The following ADGRB3 variants were observed in gnomAD, a reference collection of about 807,000 sequenced individuals.
ADGRB3 encodes adhesion G protein-coupled receptor B3.
In ADGRB3, 37 loss-of-function variants were observed where a neutral mutation model predicts 193.4. The observed-to-expected ratio is 0.19, with a 90% confidence interval of 0.15 to 0.25. The LOEUF is 0.25. Among genes scored for constraint, ADGRB3 ranks in the 10% least tolerant of loss-of-function variants. The pLI, the probability that ADGRB3 is intolerant of heterozygous loss-of-function variation, is 1.00. For missense variants in ADGRB3, 1,637 were observed against 1,852.9 expected (o/e 0.88, Z 2.14); for synonymous variants, 690 against 644.2 (o/e 1.07, Z -1.08).
At chr6:69,102,706 G>T (rs1034862683) in intron 17 of ADGRB3, among the ~76,000 whole-genome samples, 1 of 152,146 alleles carries the variant, frequency 6.6e-6, no homozygotes, top group Non-Finnish European at 1.5e-5. Flanking sequence ...CTGATTTGTT[G>T]GTAGAAAAGA....
chr6:68,714,235 T>C (rs917240356), intron 3 of ADGRB3, among the ~76,000 whole-genome samples: 1 of 151,842 alleles, frequency 6.6e-6, no homozygotes, highest in Non-Finnish European at 1.5e-5. Context: ...TCACTACTTA[T>C]ATATTATTTT....
chr6:69,204,758 T>C (rs1765500441), intron 17 of ADGRB3, among the ~76,000 whole-genome samples: 1 of 151,996 alleles, frequency 6.6e-6, no homozygotes, highest in African/African-American at 2.4e-5. Context: ...TCTTTTTTTC[T>C]TTTTTTTAGC....
intron 17 of ADGRB3, among the ~76,000 whole-genome samples, chr6:69,186,389 T>C (rs1765068422): frequency 1.3e-5 from 2 of 151,992 alleles, no homozygotes; most frequent in South Asian, 4.1e-4. Flanking sequence ...CTCAGAAATA[T>C]ATAATTCATT....
chr6:69,374,224 G>A (rs1194355859), intron 30 of ADGRB3, among the ~76,000 whole-genome samples: 1 of 152,006 alleles, frequency 6.6e-6, no homozygotes, highest in East Asian at 1.9e-4. Context: ...AGTCTCATGT[G>A]CTATAACAGG....
At chr6:68,841,631 T>G (rs1582245374) in intron 3 of ADGRB3, among the ~76,000 whole-genome samples, 1 of 152,088 alleles carries the variant, frequency 6.6e-6, no homozygotes, top group Admixed American at 6.6e-5. Context: ...GAGTTTATAG[T>G]TCTGAGTGCC....
chr6:69,147,166 TTTC>T (rs1389559411), intron 17 of ADGRB3, among the ~76,000 whole-genome samples: 1 of 152,196 alleles, frequency 6.6e-6, no homozygotes, highest in Non-Finnish European at 1.5e-5. Context: ...ATCTTTATTA[TTTC>T]TTTTCTTCTA....
chr6:69,268,104 A>G (rs556130062), intron 20 of ADGRB3, among the ~76,000 whole-genome samples: 6 of 152,348 alleles, frequency 3.9e-5, no homozygotes, highest in African/African-American at 1.4e-4. Context: ...TCTCGTCTAT[A>G]GAAAGATAAT....
At chr6:69,005,557 A>G (rs138404497) in intron 11 of ADGRB3, among the ~76,000 whole-genome samples, 1 of 152,200 alleles carries the variant, frequency 6.6e-6, no homozygotes, top group African/African-American at 2.4e-5. Flanking sequence ...CTTTTTTCAC[A>G]TGGTCTTTTG....
intron 30 of ADGRB3, among the ~76,000 whole-genome samples, chr6:69,376,666 G>A (rs539669639): frequency 2.2e-4 from 34 of 152,064 alleles, no homozygotes; most frequent in African/African-American, 6.7e-4. Context: ...AGAAATCAAA[G>A]TATATTTCAA....
intron 17 of ADGRB3, among the ~76,000 whole-genome samples, chr6:69,215,532 G>A (rs565339773): frequency 1.3e-5 from 2 of 151,732 alleles, no homozygotes; most frequent in Non-Finnish European, 2.9e-5. Flanking sequence ...GTCCTTTTAT[G>A]AAATATCCAT....
intron 10 of ADGRB3, among the ~76,000 whole-genome samples, chr6:68,985,172 ATTTGTTAAAGCCTT>A (rs1769034197): frequency 1.3e-5 from 2 of 152,236 alleles, no homozygotes; most frequent in South Asian, 4.1e-4. Context: ...CAGGGAAGGT[ATTTGTTAAAGCCTT>A]GCTATTCAGA....
At chr6:69,385,249 T>C (rs1320914629) in intron 31 of ADGRB3, among the ~76,000 whole-genome samples, 1 of 151,954 alleles carries the variant, frequency 6.6e-6, no homozygotes, top group Non-Finnish European at 1.5e-5. Context: ...ATAAGCATAC[T>C]CTTTTTTGCT....
chr6:68,794,709 G>A (rs1767173190), intron 3 of ADGRB3, among the ~76,000 whole-genome samples: 1 of 152,072 alleles, frequency 6.6e-6, no homozygotes, highest in South Asian at 2.1e-4. Context: ...TAGAGTTACA[G>A]TATAATAGAC....
chr6:69,090,731 G>A (rs144515063), intron 17 of ADGRB3, among the ~76,000 whole-genome samples: 102 of 152,262 alleles, frequency 6.7e-4, no homozygotes, highest in African/African-American at 2.1e-3. Context: ...GCTATGAAAG[G>A]TTAATTAACA....
intron 3 of ADGRB3, among the ~76,000 whole-genome samples, chr6:68,927,317 G>T (rs765611635): frequency 1.9e-4 from 29 of 151,988 alleles, no homozygotes; most frequent in Non-Finnish European, 3.8e-4. Flanking sequence ...AGAATCATTT[G>T]AATATGAATC....
chr6:68,780,939 A>G (rs1766840748), intron 3 of ADGRB3, among the ~76,000 whole-genome samples: 1 of 152,154 alleles, frequency 6.6e-6, no homozygotes, highest in Non-Finnish European at 1.5e-5. Flanking sequence ...TTGATTAATT[A>G]TTTTATTCTG....
intron 3 of ADGRB3, among the ~76,000 whole-genome samples, chr6:68,837,205 C>T (rs1768062999): frequency 6.6e-6 from 1 of 152,090 alleles, no homozygotes; most frequent in Admixed American, 6.5e-5. Flanking sequence ...GTTAGGCTTA[C>T]CTGAAGTATA....
At chr6:69,044,087 G>A (rs1425093309) in intron 13 of ADGRB3, among the ~76,000 whole-genome samples, 3 of 152,080 alleles carry the variant, frequency 2.0e-5, no homozygotes, top group African/African-American at 7.2e-5. Context: ...GAGTAAACCA[G>A]AACAGATCTG....
rs749087206 is a variant in ADGRB3 at position 68,908,403 on chromosome 6, G to A, written c.758-22156G>A. On this transcript the variant is annotated intron_variant, in intron 3 of 31. Transcript: ENST00000370598. ...GAATATGTCTCAGCTAGACCTCTCTGGTGAAACACTCTCCTAGTTTTTCTG... is the reference window on the plus strand; with the variant it reads ...GAATATGTCTCAGCTAGACCTCTCTAGTGAAACACTCTCCTAGTTTTTCTG... Among the ~76,000 whole-genome samples, 12 of 151,922 alleles carry A rather than the reference G, an allele frequency of 7.9e-5. 1 individual carries two copies. Among genetic ancestry groups the A allele is most frequent in the Admixed American group, 7.2e-4 (11 of 15,228 alleles).
Sources: gnomAD v4.1 joint callset for allele counts (sites outside exome capture counted in the v4.1 genomes callset) on GRCh38, gnomAD v4.1.1 for gene constraint, MANE v1.5 for transcripts, NCBI Gene and HGNC (gene_info 2026-07-23, HGNC 2026-07-21) for gene names.